Variants in PCDH15 observed in about 807,000 individuals in gnomAD.
The protein encoded by PCDH15 is protocadherin related 15.
Under a neutral mutation model 178.5 loss-of-function variants are expected in PCDH15, and 129 were observed. The observed-to-expected ratio is 0.72, with a 90% confidence interval of 0.63 to 0.84. The LOEUF (loss-of-function observed/expected upper bound fraction) is 0.84. Ranked by LOEUF, PCDH15 falls within the 40% of genes least tolerant of loss-of-function variation. The probability of loss-of-function intolerance (pLI) is 0.00; values close to 1 mark genes in which losing one functional copy is unlikely to be tolerated. For synonymous variants in PCDH15, 800 were observed against 732.0 expected, an observed-to-expected ratio of 1.09 and a Z score of -1.50; for missense variants, 2,230 against 2,099.9, an observed-to-expected ratio of 1.06 and a Z score of -1.21.
intron 2 of PCDH15, among the ~76,000 whole-genome samples, chr10:55,374,714 G>T (rs896568885): frequency 1.2e-4 from 18 of 151,960 alleles, no homozygotes; most frequent in African/African-American, 4.3e-4. Flanking sequence ...GGGATGAAAT[G>T]ATTTTAATAT....
intron 21 of PCDH15, among the ~76,000 whole-genome samples, chr10:53,979,510 T>C (rs1247765825): frequency 1.3e-5 from 2 of 152,168 alleles, no homozygotes; most frequent in African/African-American, 2.4e-5. Flanking sequence ...TATCTAAGAA[T>C]GGGGATACAT....
In PCDH15 at chr10:55,121,362, G is replaced by GC. The variant is rs1322738825; in HGVS notation, c.-80+45213_-80+45214insG. On this transcript the variant is annotated intron_variant, in intron 2 of 5. Transcript: ENST00000458638. ...TTGGTTTCACAGGCTCAGAGCTGGG[G>GC]GGGGGCAATTTGCCTTAGGATGACT... is the stretch of plus-strand genomic sequence containing the variant. Among the ~76,000 whole-genome samples the GC allele has an allele frequency of 2.0e-5, 3 of 150,128 alleles. No individual in the cohort carries two copies. The East Asian group carries it at 6.0e-4, about 30-fold the overall frequency.
chr10:55,159,437 C>G (rs149301731), intron 2 of PCDH15, among the ~76,000 whole-genome samples: 1 of 136,826 alleles, frequency 7.3e-6, no homozygotes, highest in African/African-American at 2.6e-5. Flanking sequence ...CTATATCTAC[C>G]TATACATACA....
At chr10:53,998,611 C>T (rs1460095866) in intron 20 of PCDH15, among the ~76,000 whole-genome samples, 1 of 151,604 alleles carries the variant, frequency 6.6e-6, no homozygotes, top group Non-Finnish European at 1.5e-5. Context: ...AGTTGAAGTT[C>T]TACACACACA....
chr10:55,372,720 C>A (rs775473614), intron 2 of PCDH15, among the ~76,000 whole-genome samples: 4 of 152,048 alleles, frequency 2.6e-5, no homozygotes, highest in Non-Finnish European at 5.9e-5. Flanking sequence ...AATCTTCAAC[C>A]ACTTCTCTCA....
chr10:53,834,746 T>A (rs2077208167), intron 29 of PCDH15, among the ~76,000 whole-genome samples: 1 of 152,184 alleles, frequency 6.6e-6, no homozygotes, highest in African/African-American at 2.4e-5. Context: ...TTGATGGATA[T>A]GGGGCCTAAT....
At chr10:54,916,557 C>T (rs942463418) in intron 2 of PCDH15, among the ~76,000 whole-genome samples, 1 of 151,982 alleles carries the variant, frequency 6.6e-6, no homozygotes, top group African/African-American at 2.4e-5. Context: ...TTTAAAGTTT[C>T]TATTTTTTAA....
At chr10:55,296,448 A>T (rs1413491867) in intron 1 of PCDH15, among the ~76,000 whole-genome samples, 5 of 152,190 alleles carry the variant, frequency 3.3e-5, no homozygotes, top group African/African-American at 1.2e-4. Flanking sequence ...AAAGCTTATT[A>T]TGAACAGCAA....
chr10:55,603,452 C>A (rs895193534), intron 2 of PCDH15, among the ~76,000 whole-genome samples: 1,814 of 151,654 alleles, frequency 0.012, 39 homozygotes, highest in African/African-American at 0.041. Context: ...TCAGATTCAC[C>A]AAAGTTGAAA....
chr10:54,036,458 T>C (rs1159350105), intron 18 of PCDH15, among the ~76,000 whole-genome samples: 1 of 147,878 alleles, frequency 6.8e-6, no homozygotes, highest in Admixed American at 7.0e-5. Context: ...AAATTTACTC[T>C]GTCTGTGATC....
chr10:54,410,256 T>C lies in PCDH15; in HGVS notation c.158-31314A>G, dbSNP rs532398750. On this transcript the variant is annotated intron_variant, in intron 3 of 37. Transcript: ENST00000644397. ...TGCTTGCATATCTAGTTCTTATTCA[T>C]ATGCACACAAGCCTAAGGGGAAAAA... is the stretch of plus-strand genomic sequence containing the variant. 7.2e-5 allele frequency among the ~76,000 whole-genome samples: 11 copies of C among 152,264 alleles called. No homozygotes were observed. The South Asian group carries it at 2.3e-3, about 32-fold the overall frequency.
chr10:55,042,775 G>A (rs556832707), intron 2 of PCDH15, among the ~76,000 whole-genome samples: 4 of 152,142 alleles, frequency 2.6e-5, no homozygotes, highest in South Asian at 2.1e-4. Context: ...AGAAGAGGCC[G>A]CCTATTTTTT....
At chr10:54,728,296 G>C (rs1452420194) in intron 1 of PCDH15, among the ~76,000 whole-genome samples, 1 of 151,142 alleles carries the variant, frequency 6.6e-6, no homozygotes. Context: ...ACAATAAAAT[G>C]ATTCAGCGAT....
chr10:54,377,929 T>A (rs1462946856), intron 4 of PCDH15, among the ~76,000 whole-genome samples: 2 of 151,824 alleles, frequency 1.3e-5, no homozygotes, highest in African/African-American at 4.8e-5. Flanking sequence ...ATTTAGCAAT[T>A]TTTTTTTGAG....
intron 1 of PCDH15, among the ~76,000 whole-genome samples, chr10:55,241,476 G>A (rs1841540123): frequency 6.6e-6 from 1 of 152,082 alleles, no homozygotes; most frequent in African/African-American, 2.4e-5. Context: ...CTGGAGTGCA[G>A]TGGTGTAAAT....
chr10:54,697,665 AGGG>A (rs1232032048), intron 1 of PCDH15, among the ~76,000 whole-genome samples: 10 of 25,230 alleles, frequency 4.0e-4, no homozygotes, highest in African/African-American at 1.0e-3. Flanking sequence ...AGGAAGGGGA[AGGG>A]GGAAGGGGAA....
intron 2 of PCDH15, among the ~76,000 whole-genome samples, chr10:54,535,285 C>T (rs1203579717): frequency 1.3e-5 from 2 of 152,094 alleles, no homozygotes; most frequent in Admixed American, 6.6e-5. Flanking sequence ...CTCTAGAGAC[C>T]ATAGCTACCT....
At position 55,481,926 on chromosome 10, in the gene PCDH15, G is replaced by C. The variant is rs185735740; in HGVS notation, c.-156+145699C>G. Among the ~76,000 whole-genome samples, 9 of 151,776 alleles carry C rather than the reference G, an allele frequency of 5.9e-5. No homozygotes were observed. In the East Asian group the frequency reaches 1.4e-3, roughly 23 times the overall value. On this transcript the variant is annotated intron_variant, in intron 2 of 5. Transcript: ENST00000613346. Reference sequence around the variant, plus strand: ...TCTCAGTGATCTAATACTGTCAGTGGGGTGTTAAATTTCCCCACTATAATT... The same window carrying C: ...TCTCAGTGATCTAATACTGTCAGTGCGGTGTTAAATTTCCCCACTATAATT...
At position 53,873,866 on chromosome 10, in the gene PCDH15, C is replaced by T. The variant is rs2080039074; in HGVS notation, c.3502-7009G>A. 2.0e-5 allele frequency among the ~76,000 whole-genome samples: 3 copies of T among 152,108 alleles called. 1 individual carries two copies. Among genetic ancestry groups the T allele is most frequent in the Admixed American group, 2.0e-4 (3 of 15,274 alleles). On this transcript the variant is annotated intron_variant, in intron 26 of 37. Coordinates refer to ENST00000644397, the MANE Select transcript of PCDH15 (RefSeq NM_001384140.1). ...GGATTGGTTCCTTTTTGAAAAGAGG[C>T]CCCAGAGACTTCCTTTGTTCCGTTT... is the stretch of plus-strand genomic sequence containing the variant.
Sources: gnomAD v4.1 joint callset for allele counts (sites outside exome capture counted in the v4.1 genomes callset) on GRCh38, gnomAD v4.1.1 for gene constraint, MANE v1.5 for transcripts, NCBI Gene and HGNC (gene_info 2026-07-23, HGNC 2026-07-21) for gene names.